The following VSIG10 variants were observed in gnomAD, a reference collection of about 807,000 sequenced individuals.
VSIG10 encodes the protein V-set and immunoglobulin domain-containing protein 10.
Under a neutral mutation model 58.7 loss-of-function variants are expected in VSIG10, and 48 were observed. That is an observed-to-expected ratio of 0.82 (90% CI 0.65 to 1.04). The LOEUF is 1.04. Ranked by LOEUF, VSIG10 falls within the 50% of genes least tolerant of loss-of-function variation. The pLI, the probability that VSIG10 is intolerant of heterozygous loss-of-function variation, is 0.00. For missense variants in VSIG10, 628 were observed against 670.0 expected (o/e 0.94, Z 0.69); for synonymous variants, 260 against 267.1 (o/e 0.97, Z 0.26).
intron 1 of VSIG10, among the ~76,000 whole-genome samples, chr12:118,099,425 G>A (rs961320277): frequency 7.9e-5 from 12 of 152,136 alleles, no homozygotes; most frequent in Admixed American, 4.6e-4. Flanking sequence ...GATTACAGGC[G>A]TGAGCTGCCA....
intron 2 of VSIG10, among the ~76,000 whole-genome samples, chr12:118,094,403 A>G (rs2033384681): frequency 1.3e-5 from 2 of 151,820 alleles, no homozygotes; most frequent in South Asian, 4.1e-4. Flanking sequence ...TTTTTTTTTG[A>G]GACGGAGTCT....
intron 2 of VSIG10, among the ~76,000 whole-genome samples, chr12:118,085,725 G>C (rs1592876469): frequency 1.3e-5 from 2 of 151,752 alleles, no homozygotes; most frequent in South Asian, 2.1e-4. Flanking sequence ...AGCCAGGTGT[G>C]GTGATGCACG....
chr12:118,068,312 G>C, intron 8 of VSIG10, 65 bp downstream of exon 8: 1 of 1,530,848 alleles, frequency 6.5e-7, no homozygotes, highest in Non-Finnish European at 8.9e-7. Flanking sequence ...TGGGATTATA[G>C]GCGTGAGCCA....
At chr12:118,069,009 A>G (rs1829480404) in intron 7 of VSIG10, among the ~76,000 whole-genome samples, 1 of 151,726 alleles carries the variant, frequency 6.6e-6, no homozygotes, top group South Asian at 2.1e-4. Context: ...GACTGCATTT[A>G]GAGTCCATGC....
chr12:118,087,831 C>CTG (rs1199313891), intron 2 of VSIG10, among the ~76,000 whole-genome samples: 21 of 30,124 alleles, frequency 7.0e-4, no homozygotes, highest in East Asian at 2.5e-3. Flanking sequence ...GAGTGAGATC[C>CTG]TGTCTCAAAA....
At chr12:118,102,952 T>G (rs1352124719) in intron 1 of VSIG10, 1 of 152,232 alleles carries the variant, frequency 6.6e-6, no homozygotes, top group Non-Finnish European at 1.5e-5. Flanking sequence ...AATTCTTTTT[T>G]CGTAGCAAAG....
At chr12:118,072,370 C>G (rs1444579828) in intron 5 of VSIG10, among the ~76,000 whole-genome samples, 1 of 150,666 alleles carries the variant, frequency 6.6e-6, no homozygotes, top group Non-Finnish European at 1.5e-5. Flanking sequence ...GAGGCTGAGG[C>G]AGGAGAATGG....
chr12:118,075,082 GTA>G (rs1015617520), intron 4 of VSIG10, among the ~76,000 whole-genome samples: 1 of 148,676 alleles, frequency 6.7e-6, no homozygotes, highest in Non-Finnish European at 1.5e-5. Context: ...AAAAAGCATA[GTA>G]TATATATGTA....
intron 2 of VSIG10, 128 bp from the exon 3 acceptor site, chr12:118,082,557 TGA>T: frequency 1.1e-6 from 1 of 948,842 alleles, no homozygotes; most frequent in Non-Finnish European, 1.5e-6. Context: ...TAATACTAGG[TGA>T]CAAATGCTAT....
chr12:118,079,719 G>A (rs888424385), intron 3 of VSIG10, 113 bp from the exon 4 acceptor site: 7 of 1,409,084 alleles, frequency 5.0e-6, no homozygotes, highest in Middle Eastern at 2.0e-4. Flanking sequence ...ACCCCAGTTA[G>A]TGTTAGCATC....
chr12:118,067,163 T>C (rs1254364454), intron 8 of VSIG10, among the ~76,000 whole-genome samples: 4 of 151,982 alleles, frequency 2.6e-5, no homozygotes, highest in Admixed American at 6.6e-5. Context: ...TAGCTGGGGC[T>C]ACAGGTACAT....
intron 2 of VSIG10, among the ~76,000 whole-genome samples, chr12:118,095,058 C>T (rs984764745): frequency 6.6e-6 from 1 of 152,208 alleles, no homozygotes; most frequent in African/African-American, 2.4e-5. Flanking sequence ...TGCGCGCCAC[C>T]ACGCTCAGCT....
At chr12:118,097,369 G>C (rs536335889) in intron 1 of VSIG10, among the ~76,000 whole-genome samples, 1 of 152,116 alleles carries the variant, frequency 6.6e-6, no homozygotes, top group South Asian at 2.1e-4. Context: ...ATTCCAGCAC[G>C]CTGGGAGGCC....
chr12:118,090,828 A>C (rs2033272644), intron 2 of VSIG10, among the ~76,000 whole-genome samples: 1 of 151,886 alleles, frequency 6.6e-6, no homozygotes, highest in African/African-American at 2.4e-5. Context: ...CTACTTACCA[A>C]TCAGTTTAAA....
At chr12:118,069,425 CT>C (rs34116504) in intron 7 of VSIG10, among the ~76,000 whole-genome samples, 82 of 105,052 alleles carry the variant, frequency 7.8e-4, no homozygotes, top group South Asian at 1.0e-3. Flanking sequence ...TCTTCTTCTT[CT>C]TTTTTTTTTT....
chr12:118,098,446 C>A (rs1351946843), intron 1 of VSIG10, among the ~76,000 whole-genome samples: 3 of 152,096 alleles, frequency 2.0e-5, no homozygotes, highest in Non-Finnish European at 4.4e-5. Context: ...CTCTCAGAAG[C>A]CCCATGGAAG....
intron 1 of VSIG10, among the ~76,000 whole-genome samples, chr12:118,096,330 G>A (rs547206612): frequency 3.9e-5 from 6 of 151,972 alleles, no homozygotes; most frequent in African/African-American, 1.4e-4. Flanking sequence ...TGTAATCCCA[G>A]CACTTTGGGA....
chr12:118,103,525 T>A (rs1332605131), intron 1 of VSIG10, 68 bp downstream of exon 1: 24 of 1,429,836 alleles, frequency 1.7e-5, no homozygotes, highest in Non-Finnish European at 2.2e-5. Flanking sequence ...GAATTGGGTC[T>A]CTCGCTGTCC....
At chr12:118,094,898 G>A (rs569702493) in intron 2 of VSIG10, among the ~76,000 whole-genome samples, 11 of 147,266 alleles carry the variant, frequency 7.5e-5, no homozygotes, top group Non-Finnish European at 1.0e-4. Flanking sequence ...CACCATGCCT[G>A]GCGAATTTTT....
Sources: allele counts gnomAD v4.1 joint callset (sites outside exome capture counted in the v4.1 genomes callset), GRCh38; gene constraint gnomAD v4.1.1; transcripts MANE v1.5; gene names NCBI Gene and HGNC (gene_info 2026-07-23, HGNC 2026-07-21).